SPMIP2: variants seen among roughly 807,000 people sequenced by gnomAD.
The protein encoded by SPMIP2 is protein SPMIP2.
the SPMIP2 span, chr4:158,906,248 C>G: frequency 6.6e-6 from 1 of 152,182 alleles, no homozygotes; most frequent in South Asian, 2.1e-4. Flanking sequence ...ACCTGTGGCT[C>G]AGCTCACCCC....
chr4:158,948,387 G>T, the SPMIP2 span, among the ~76,000 whole-genome samples: 9 of 152,034 alleles, frequency 5.9e-5, no homozygotes, highest in African/African-American at 2.2e-4. Flanking sequence ...CATTGGTTGG[G>T]TATAAAATTC....
At chr4:159,006,352 T>C in the SPMIP2 span, among the ~76,000 whole-genome samples, 265 of 152,294 alleles carry the variant, frequency 1.7e-3, no homozygotes, top group Non-Finnish European at 2.4e-3. Context: ...TAAGCAACCA[T>C]GTTTACGCGA....
At chr4:158,948,777 GTATT>G in the SPMIP2 span, among the ~76,000 whole-genome samples, 1 of 151,780 alleles carries the variant, frequency 6.6e-6, no homozygotes, top group Non-Finnish European at 1.5e-5. Flanking sequence ...GCTAATTTTT[GTATT>G]TTTTGTAGAG....
chr4:159,069,890 G>C, the SPMIP2 span, among the ~76,000 whole-genome samples: 1 of 152,094 alleles, frequency 6.6e-6, no homozygotes, highest in South Asian at 2.1e-4. Flanking sequence ...GCTTCCACCT[G>C]TCTCTCGAAG....
chr4:158,899,671 G>T, the SPMIP2 span, among the ~76,000 whole-genome samples: 1 of 152,168 alleles, frequency 6.6e-6, no homozygotes, highest in African/African-American at 2.4e-5. Flanking sequence ...ATGTTAGTTT[G>T]TATTTCTGTG....
At chr4:159,056,557 G>A in the SPMIP2 span, among the ~76,000 whole-genome samples, 3 of 152,114 alleles carry the variant, frequency 2.0e-5, no homozygotes, top group Non-Finnish European at 2.9e-5. Context: ...AAAGAACATC[G>A]AGGCATGGAC....
chr4:158,963,158 G>A, the SPMIP2 span, among the ~76,000 whole-genome samples: 1 of 151,988 alleles, frequency 6.6e-6, no homozygotes, highest in African/African-American at 2.4e-5. Flanking sequence ...CATGCAGGCA[G>A]GAAAATATAG....
the SPMIP2 span, chr4:158,973,215 C>T: frequency 6.2e-7 from 1 of 1,613,774 alleles, no homozygotes; most frequent in African/African-American, 1.3e-5. Flanking sequence ...CCATAAATAT[C>T]TGAGATCTCC....
At chr4:158,972,916 G>A in the SPMIP2 span, among the ~76,000 whole-genome samples, 2 of 152,170 alleles carry the variant, frequency 1.3e-5, no homozygotes, top group Non-Finnish European at 2.9e-5. Flanking sequence ...CTCCAGGAGT[G>A]GAGCACATGC....
At chr4:159,021,685 TG>T in the SPMIP2 span, among the ~76,000 whole-genome samples, 1 of 152,240 alleles carries the variant, frequency 6.6e-6, no homozygotes, top group Non-Finnish European at 1.5e-5. Context: ...GTTTTATGCC[TG>T]GGTCAATGCT....
chr4:159,026,322 C>T, the SPMIP2 span: 2 of 617,530 alleles, frequency 3.2e-6, no homozygotes, highest in East Asian at 7.0e-5. Context: ...TTTCTCGTAC[C>T]CTGGGAGAGA....
chr4:159,017,350 A>T, the SPMIP2 span, among the ~76,000 whole-genome samples: 3 of 51,378 alleles, frequency 5.8e-5, no homozygotes, highest in Admixed American at 5.0e-4. Context: ...CACAAACACA[A>T]ACACATACAC....
the SPMIP2 span, among the ~76,000 whole-genome samples, chr4:159,053,520 C>A: frequency 6.6e-6 from 1 of 152,150 alleles, no homozygotes; most frequent in African/African-American, 2.4e-5. Flanking sequence ...CTAGCCCGTG[C>A]CTTCCTATTT....
chr4:158,917,290 G>A, the SPMIP2 span, among the ~76,000 whole-genome samples: 3 of 149,296 alleles, frequency 2.0e-5, no homozygotes, highest in Admixed American at 2.0e-4. Flanking sequence ...AGCTGGGTGT[G>A]GTGGTGCACG....
At chr4:158,977,864 T>C in the SPMIP2 span, among the ~76,000 whole-genome samples, 1 of 152,162 alleles carries the variant, frequency 6.6e-6, no homozygotes, top group South Asian at 2.1e-4. Flanking sequence ...TCTGCGCACC[T>C]CTGCCTCCCA....
chr4:159,010,492 C>T, the SPMIP2 span, among the ~76,000 whole-genome samples: 1 of 152,122 alleles, frequency 6.6e-6, no homozygotes, highest in African/African-American at 2.4e-5. Flanking sequence ...CCCATGAGAT[C>T]CCAGGAAAGG....
the SPMIP2 span, among the ~76,000 whole-genome samples, chr4:158,901,128 AT>A: frequency 7.6e-3 from 855 of 112,278 alleles, 11 homozygotes; most frequent in Admixed American, 0.039. Context: ...CTGGGTTGAA[AT>A]TTTTTTTTTT....
chr4:158,987,750 G>A, the SPMIP2 span, among the ~76,000 whole-genome samples: 16 of 151,828 alleles, frequency 1.1e-4, no homozygotes. Flanking sequence ...TGCACATTGT[G>A]CACATGTACC....
At chr4:159,002,531 G>A in the SPMIP2 span, among the ~76,000 whole-genome samples, 1 of 152,082 alleles carries the variant, frequency 6.6e-6, no homozygotes, top group African/African-American at 2.4e-5. Flanking sequence ...AATAATCTTT[G>A]TCTAATCTAA....
Sources: gnomAD v4.1 joint callset for allele counts (sites outside exome capture counted in the v4.1 genomes callset) on GRCh38, gnomAD v4.1.1 for gene constraint, MANE v1.5 for transcripts, NCBI Gene and HGNC (gene_info 2026-07-23, HGNC 2026-07-21) for gene names.